COX11: variants seen among roughly 807,000 people sequenced by gnomAD.
The protein encoded by COX11 is cytochrome c oxidase assembly protein COX11, mitochondrial.
A neutral mutation model predicts 29.4 loss-of-function variants in COX11; 18 were observed. The ratio of observed to expected loss-of-function variants is 0.61; its 90% CI spans 0.42 to 0.91. The LOEUF (loss-of-function observed/expected upper bound fraction) is 0.91. COX11 is among the 40% of genes least tolerant of loss of function. COX11 has a pLI of 0.00. For missense variants in COX11, 312 were observed against 346.0 expected (o/e 0.90, Z 0.78); for synonymous variants, 131 against 124.0 (o/e 1.06, Z -0.38).
rs1392138066 is a variant in COX11, at chr17:54,960,471, C to G, written c.*2262G>C. The G allele has an allele frequency of 1.8e-5, 16 of 878,082 alleles. No individual in the cohort carries two copies. The highest frequency in any genetic ancestry group is 2.9e-5 in the Non-Finnish European group (15 of 518,482). 54.4% of individuals were successfully genotyped at this position (878,082 alleles called of 1,614,324 possible). A position where few individuals can be genotyped will look rare whatever the true frequency, so the allele number is the denominator to read the frequency against. ...TCATATGTAGCCTGAACTCCAAAAC[C>G]AGCTCAATTTTTAATTACAGTGCTG... On this transcript the variant is annotated 3_prime_UTR_variant, in exon 4 of 4. Coordinates refer to ENST00000299335, the MANE Select transcript of COX11 (RefSeq NM_004375.5).
At chr17:54,964,895 TTGA>T (rs753481520) in intron 1 of COX11, 43 bp from the exon 2 acceptor site, 45 of 1,567,188 alleles carry the variant, frequency 2.9e-5, no homozygotes, top group Non-Finnish European at 3.6e-5. Context: ...CTTTTAGGTG[TTGA>T]TGATCTATTT....
upstream of COX11, chr17:54,968,728 G>A (rs548288753): frequency 1.2e-4 from 175 of 1,476,300 alleles, 1 homozygote; most frequent in Middle Eastern, 2.2e-3. Flanking sequence ...GCGAGATCTG[G>A]GTTGAGCCTG....
At chr17:54,968,216 C>A in intron 1 of COX11, 65 bp downstream of exon 1, 1 of 1,560,670 alleles carries the variant, frequency 6.4e-7, no homozygotes, top group Non-Finnish European at 8.6e-7. Flanking sequence ...GGGCTTGTCC[C>A]GGGATTTGTC....
At position 54,962,094 on chromosome 17, in the gene COX11, TATTTTATTTCA is replaced by T. The variant is rs2144127870; in HGVS notation, c.*628_*638del. ...GCTTTGGCTAACAGCCTAGTAGATGTATTTTATTTCAATTTTATGATACTACAGTTTCAAAG... is the reference window on the plus strand; with the variant it reads ...GCTTTGGCTAACAGCCTAGTAGATGTATTTTATGATACTACAGTTTCAAAG... On this transcript the variant is annotated 3_prime_UTR_variant, in exon 4 of 4. Coordinates refer to ENST00000299335, the MANE Select transcript of COX11 (RefSeq NM_004375.5). 2.1e-6 allele frequency: 2 copies of T among 967,746 alleles called. No homozygotes were observed. The highest frequency in any genetic ancestry group is 2.5e-6 in the Non-Finnish European group (2 of 813,556). The allele number at this position is 967,746 out of a possible 1,614,324, so 59.9% of individuals were successfully genotyped here. A position where few individuals can be genotyped will look rare whatever the true frequency, so the allele number is the denominator to read the frequency against.
In COX11 at chr17:54,962,122, G is replaced by A. The variant is rs7643; in HGVS notation, c.*611C>T. ...TTTATTTCAATTTTATGATACTACA[G>A]TTTCAAAGTAATTATTCAGAACTCT... On this transcript the variant is annotated 3_prime_UTR_variant, in exon 4 of 4. Transcript: ENST00000299335. The A allele has an allele frequency of 0.56, 526,567 of 944,704 alleles. 148,642 individuals are homozygous for A. The highest frequency in any genetic ancestry group is 0.58 in the Non-Finnish European group (456,326 of 792,872). 58.5% of individuals were successfully genotyped at this position (944,704 alleles called of 1,614,324 possible).
Position 54,960,744 on chromosome 17 carries a change from AAT to A in COX11, c.*1987_*1988del, listed in dbSNP as rs1394463751. ...GGGCCATCTGAGTCTGACACTTTGA[AAT>A]ATGAGTTCCCCTGAATCATTCAAAT... On this transcript the variant is annotated 3_prime_UTR_variant, in exon 4 of 4. Coordinates refer to ENST00000299335, the MANE Select transcript of COX11 (RefSeq NM_004375.5). 1.1e-5 allele frequency: 8 copies of A among 732,068 alleles called. No homozygotes were observed. The highest frequency in any genetic ancestry group is 6.6e-5 in the Admixed American group (3 of 45,550). The allele number at this position is 732,068 out of a possible 1,614,324, so 45.3% of individuals were successfully genotyped here.
chr17:54,960,582 A>C lies in COX11; in HGVS notation c.*2151T>G. The C allele has an allele frequency of 6.2e-7, 1 of 1,613,326 alleles. No homozygotes were observed. Among genetic ancestry groups the C allele is most frequent in the Non-Finnish European group, 8.5e-7 (1 of 1,179,756 alleles). Reference sequence around the variant, plus strand: ...TTGTTTCAGAGCTATTTATGAAGAAATTGATGCTCACCAGCACAAAGGAGC... The same window carrying C: ...TTGTTTCAGAGCTATTTATGAAGAACTTGATGCTCACCAGCACAAAGGAGC... On this transcript the variant is annotated 3_prime_UTR_variant, in exon 4 of 4. Transcript: ENST00000299335.
chr17:54,968,472 A>T lies in COX11; in HGVS notation c.175T>A (p.Cys59Ser). 6.2e-7 allele frequency: 1 copy of T among 1,613,378 alleles called. No individual in the cohort carries two copies. The highest frequency in any genetic ancestry group is 8.5e-7 in the Non-Finnish European group (1 of 1,179,986). Residue 59 changes from cysteine (C) to serine (S), a missense_variant, in exon 1 of 4, where the codon TGC (cysteine) becomes AGC (serine). By Grantham distance (112) the Cys-to-Ser change is moderately radical. Coordinates refer to ENST00000299335, the MANE Select transcript of COX11 (RefSeq NM_004375.5). ...GCTGGATGCCGGGCTCGAAGGCTGCAGCGCTTCCATGTCCCAAGCCACCTC... is the reference window on the plus strand; with the variant it reads ...GCTGGATGCCGGGCTCGAAGGCTGCTGCGCTTCCATGTCCCAAGCCACCTC... ...GLRWLGTWKR[C>S]SLRARHPALQ...
intron 1 of COX11, among the ~76,000 whole-genome samples, chr17:54,966,040 G>C (rs2077211604): frequency 6.6e-6 from 1 of 152,174 alleles, no homozygotes; most frequent in Non-Finnish European, 1.5e-5. Flanking sequence ...TCATTTGACT[G>C]CCATGCAACA....
chr17:54,955,986 C>T (rs1026632545), downstream of COX11, among the ~76,000 whole-genome samples: 3 of 152,126 alleles, frequency 2.0e-5, no homozygotes, highest in Non-Finnish European at 4.4e-5. Flanking sequence ...AGTTGGCCCA[C>T]GCATGCTTCC....
downstream of COX11, chr17:54,956,711 C>G (rs2049523709): frequency 6.6e-6 from 1 of 152,054 alleles, no homozygotes; most frequent in South Asian, 2.1e-4. Context: ...TTCCAAAGTG[C>G]TGGGATTATA....
intron 2 of COX11, 131 bp downstream of exon 2, chr17:54,964,566 T>C (rs928280733): frequency 6.1e-5 from 54 of 883,270 alleles, no homozygotes; most frequent in Non-Finnish European, 9.4e-5. Flanking sequence ...TAAAAGTCAA[T>C]TTGGAACAAT....
chr17:54,962,877 C>T lies in COX11; in HGVS notation c.687G>A (p.Glu229=), dbSNP rs752987809. 15 of 1,612,684 alleles carry T rather than the reference C, an allele frequency of 9.3e-6. No individual in the cohort carries two copies. Among genetic ancestry groups the T allele is most frequent in the Admixed American group, 1.7e-5 (1 of 59,916 alleles). ...CFEEQRLNPQ[E]EVDMPVFFYI... is the part of the protein sequence containing the mutation. ...AGAAAAACACTGGCATATCTACTTC[C>T]TCTTGGGGATTAAGCCTTTGTTCTT... is the stretch of plus-strand genomic sequence containing the variant. The change falls in exon 4 of 4, where the codon GAG becomes GAA. Residue 229 remains glutamate, a synonymous_variant. Transcript: ENST00000299335.
intron 2 of COX11, chr17:54,964,451 G>A (rs2144149483): frequency 6.9e-6 from 3 of 434,230 alleles, no homozygotes; most frequent in South Asian, 2.6e-5. Context: ...AAATACTGAC[G>A]GGTTCCATTA....
chr17:54,952,448 G>C (rs1185827770), exon 1 of COX11: 1 of 150,872 alleles, frequency 6.6e-6, no homozygotes, highest in South Asian at 2.1e-4. Flanking sequence ...TCAGGAAGGT[G>C]AGGCAGAAAA....
intron 3 of COX11, 194 bp downstream of exon 3, chr17:54,963,112 A>G: frequency 1.3e-6 from 1 of 786,898 alleles, no homozygotes; most frequent in African/African-American, 1.8e-5. Flanking sequence ...AACAAATTCT[A>G]ATCTTAAAAG....
At chr17:54,965,386 A>T (rs906426148) in intron 1 of COX11, among the ~76,000 whole-genome samples, 2 of 152,158 alleles carry the variant, frequency 1.3e-5, no homozygotes, top group Non-Finnish European at 2.9e-5. Flanking sequence ...GTATTTTCCC[A>T]CGTTGGTTAA....
Position 54,961,488 on chromosome 17 carries a change from T to G in COX11, c.*1245A>C. 1 of 1,437,756 alleles carries G rather than the reference T, an allele frequency of 7.0e-7. No homozygotes were observed. Among genetic ancestry groups the G allele is most frequent in the Non-Finnish European group, 9.1e-7 (1 of 1,100,202 alleles). 89.1% of individuals were successfully genotyped at this position (1,437,756 alleles called of 1,614,324 possible). A position where few individuals can be genotyped will look rare whatever the true frequency, so the allele number is the denominator to read the frequency against. On this transcript the variant is annotated 3_prime_UTR_variant, in exon 4 of 4. Transcript: ENST00000299335. ...AAAACTTCAGCAGAAGAAAAATTAC[T>G]TAGTCCTTAGGCCAACCAATTTAAC...
At chr17:54,951,932 A>C (rs1042062861) in exon 1 of COX11, 1 of 152,220 alleles carries the variant, frequency 6.6e-6, no homozygotes, top group Admixed American at 6.5e-5. Flanking sequence ...ATTACTTAGC[A>C]CAAGTAAATT....
Sources: allele counts gnomAD v4.1 joint callset (sites outside exome capture counted in the v4.1 genomes callset), GRCh38; gene constraint gnomAD v4.1.1; transcripts MANE v1.5; gene names NCBI Gene and HGNC (gene_info 2026-07-23, HGNC 2026-07-21).